CIMIP2A: variants seen among roughly 807,000 people sequenced by gnomAD.
CIMIP2A encodes the protein family with sequence similarity 166 member A.
the CIMIP2A span, chr9:137,252,378 T>G: frequency 5.2e-6 from 8 of 1,538,566 alleles, no homozygotes; most frequent in South Asian, 9.3e-5. Context: ...CAGGTTCGAG[T>G]GGGGACTGTC....
the CIMIP2A span, chr9:137,252,008 G>T: frequency 6.2e-7 from 1 of 1,611,202 alleles, no homozygotes; most frequent in Non-Finnish European, 8.5e-7. Context: ...CAGTGCTGGA[G>T]CAACGCCCCC....
the CIMIP2A span, chr9:137,253,349 T>C: frequency 6.5e-7 from 1 of 1,544,326 alleles, no homozygotes; most frequent in Non-Finnish European, 8.7e-7. Context: ...CAGCCTGGCC[T>C]TCTGACCCTC....
At chr9:137,248,018 CAGG>C in the CIMIP2A span, among the ~76,000 whole-genome samples, 1 of 152,184 alleles carries the variant, frequency 6.6e-6, no homozygotes, top group East Asian at 1.9e-4. Flanking sequence ...TTGCTGCCCC[CAGG>C]AGGCCACCAG....
the CIMIP2A span, chr9:137,245,950 C>T: frequency 4.7e-5 from 48 of 1,014,086 alleles, no homozygotes; most frequent in Non-Finnish European, 6.4e-5. Context: ...GCCTGCTGGC[C>T]ACTTAGCAGC....
chr9:137,244,591 G>T, the CIMIP2A span: 170 of 1,603,806 alleles, frequency 1.1e-4, no homozygotes, highest in Non-Finnish European at 1.4e-4. Context: ...CCAGGCAGGA[G>T]AGGAAGTGTG....
At chr9:137,244,168 C>T in the CIMIP2A span, 15 of 1,613,552 alleles carry the variant, frequency 9.3e-6, no homozygotes, top group South Asian at 9.9e-5. Context: ...CCACTCTACT[C>T]ACCGGGGATG....
chr9:137,251,856 G>A, the CIMIP2A span: 25 of 1,608,450 alleles, frequency 1.6e-5, no homozygotes, highest in Non-Finnish European at 2.1e-5. Context: ...CACCCCCCAG[G>A]AGTCCCTGCC....
chr9:137,252,537 G>A, the CIMIP2A span: 1 of 1,576,816 alleles, frequency 6.3e-7, no homozygotes, highest in Non-Finnish European at 8.6e-7. Flanking sequence ...TTGGGGGCTG[G>A]GCAGGAAGGG....
chr9:137,245,649 G>A, the CIMIP2A span: 3 of 1,607,540 alleles, frequency 1.9e-6, no homozygotes, highest in Admixed American at 1.7e-5. Context: ...TGGTGTAGTG[G>A]GGGATGTAGG....
chr9:137,247,464 C>T, the CIMIP2A span, among the ~76,000 whole-genome samples: 1 of 152,348 alleles, frequency 6.6e-6, no homozygotes, highest in East Asian at 1.9e-4. Context: ...GCCTGGGCCC[C>T]TGGCAACCCC....
the CIMIP2A span, chr9:137,247,792 CG>C: frequency 6.9e-7 from 1 of 1,443,754 alleles, no homozygotes. Context: ...GTCCTGTCAC[CG>C]GGCAACCATT....
At chr9:137,254,850 C>T in the CIMIP2A span, among the ~76,000 whole-genome samples, 4 of 152,180 alleles carry the variant, frequency 2.6e-5, no homozygotes. Flanking sequence ...CCGCCAGGCC[C>T]CGGCCCCCTG....
chr9:137,250,623 T>G, the CIMIP2A span: 1 of 154,552 alleles, frequency 6.5e-6, no homozygotes, highest in East Asian at 1.9e-4. Context: ...CACGGGCTCT[T>G]GCTCACACAG....
the CIMIP2A span, chr9:137,250,530 C>G: frequency 6.6e-6 from 1 of 152,668 alleles, no homozygotes; most frequent in African/African-American, 2.4e-5. Flanking sequence ...AGGCCCTGCC[C>G]TGGTGGATTC....
At chr9:137,253,418 T>C in the CIMIP2A span, 1 of 1,449,282 alleles carries the variant, frequency 6.9e-7, no homozygotes. Flanking sequence ...TGGACAAGGC[T>C]GGCCCAGCCT....
chr9:137,251,259 C>G, the CIMIP2A span: 4 of 1,450,072 alleles, frequency 2.8e-6, no homozygotes, highest in Non-Finnish European at 3.9e-6. Context: ...TCCGTGGTGC[C>G]GTTGGGGAAG....
chr9:137,244,325 C>A, the CIMIP2A span: 3 of 1,611,942 alleles, frequency 1.9e-6, no homozygotes, highest in African/African-American at 4.0e-5. Flanking sequence ...GCTCCCTCCC[C>A]GGCAGGCAAA....
chr9:137,254,831 G>GCCCGGTCTCCGCCAGGC, the CIMIP2A span, among the ~76,000 whole-genome samples: 1 of 152,150 alleles, frequency 6.6e-6, no homozygotes, highest in Non-Finnish European at 1.5e-5. Context: ...CCCGCTGCGG[G>GCCCGGTCTCCGCCAGGC]CCCGGTCTCC....
At chr9:137,245,915 C>T in the CIMIP2A span, 2 of 1,326,330 alleles carry the variant, frequency 1.5e-6, no homozygotes, top group Middle Eastern at 2.8e-4. Flanking sequence ...CTGGGCAGGG[C>T]CCCTTCAAGC....
Sources: allele counts gnomAD v4.1 joint callset (sites outside exome capture counted in the v4.1 genomes callset), GRCh38; gene constraint gnomAD v4.1.1; transcripts MANE v1.5; gene names NCBI Gene and HGNC (gene_info 2026-07-23, HGNC 2026-07-21).